The following PGPEP1 variants were observed in gnomAD, a reference collection of about 807,000 sequenced individuals.
The protein encoded by PGPEP1 is pyroglutamyl-peptidase 1.
In PGPEP1, 15 loss-of-function variants were observed where a neutral mutation model predicts 24.1. The observed-to-expected ratio is 0.62, with a 90% confidence interval of 0.42 to 0.96. The LOEUF (loss-of-function observed/expected upper bound fraction) is 0.96, where lower values mean the gene tolerates loss of function less well. Ranked by LOEUF, PGPEP1 falls within the 40% of genes least tolerant of loss-of-function variation. The pLI is 0.00. For synonymous variants in PGPEP1, 122 were observed against 116.4 expected (o/e 1.05, Z -0.31); for missense variants, 242 against 273.4 (o/e 0.89, Z 0.81).
At chr19:18,349,053 C>T (rs538333506) in intron 2 of PGPEP1, 3 of 979,816 alleles carry the variant, frequency 3.1e-6, no homozygotes, top group South Asian at 4.7e-5. Context: ...TGTGAGCCAC[C>T]GAGCCCTGCC....
chr19:18,363,607 C>T lies in PGPEP1; in HGVS notation c.*24C>T, dbSNP rs371164461. On this transcript the variant is annotated 3_prime_UTR_variant, in exon 5 of 5. Transcript: ENST00000269919. ...GAGGGACGCTCAGGTCTCCTAAGAC[C>T]TCATCCTGCTGGGGACCCCACGAGG... The T allele has an allele frequency of 8.2e-6, 13 of 1,585,146 alleles. No individual in the cohort carries two copies. The African/African-American group carries it at 1.6e-4, about 20-fold the overall frequency.
Position 18,363,520 on chromosome 19 carries a change from TGAG to T in PGPEP1, c.571_573del (p.Glu191del). 3.1e-6 allele frequency: 5 copies of T among 1,614,160 alleles called. No homozygotes were observed. Among genetic ancestry groups the T allele is most frequent in the Middle Eastern group, 1.6e-4 (1 of 6,062 alleles). ...TGGGCAGGGCACTGAGAGCCATCAT[TGAG>T]GAGATGTTGGACCTCCTGGAGCAGT... On this transcript the variant is annotated inframe_deletion, in exon 5 of 5. Transcript: ENST00000269919.
intron 2 of PGPEP1, among the ~76,000 whole-genome samples, chr19:18,351,222 G>A (rs180706481): frequency 9.9e-4 from 151 of 151,918 alleles, no homozygotes; most frequent in African/African-American, 3.4e-3. Context: ...CTCAGATCGC[G>A]CCACTGCACT....
In PGPEP1 at chr19:18,357,589, G is replaced by A. The variant is rs372326357; in HGVS notation, c.411G>A (p.Ser137=). 1.5e-5 allele frequency: 24 copies of A among 1,610,342 alleles called. No individual in the cohort carries two copies. Among genetic ancestry groups the A allele is most frequent in the Admixed American group, 3.4e-5 (2 of 59,544 alleles). Reference sequence around the variant, plus strand: ...TCACCACGTTGGGCCTGGATGTGTCGGTGACCATCTCGCAGGATGCCGGCA... The same window carrying A: ...TCACCACGTTGGGCCTGGATGTGTCAGTGACCATCTCGCAGGATGCCGGCA... The part of the protein sequence containing the change: ...KRVTTLGLDV[S]VTISQDAGRY... The change falls in exon 4 of 5, where the codon TCG becomes TCA. Residue 137 remains serine, a synonymous_variant. Coordinates refer to ENST00000269919, the MANE Select transcript of PGPEP1 (RefSeq NM_017712.4).
At chr19:18,342,702 G>T (rs1250387321) in intron 1 of PGPEP1, among the ~76,000 whole-genome samples, 157 bp from the exon 2 acceptor site, 1 of 152,218 alleles carries the variant, frequency 6.6e-6, no homozygotes, top group Non-Finnish European at 1.5e-5. Flanking sequence ...GGGCCTCCAG[G>T]TGCTCCCAGA....
chr19:18,358,446 G>C lies in PGPEP1; in HGVS notation c.437+831G>C, dbSNP rs117445280. Among the ~76,000 whole-genome samples the C allele has an allele frequency of 4.7e-4, 72 of 151,808 alleles. 1 individual carries two copies. In the East Asian group the frequency reaches 0.013, roughly 28 times the overall value. ...CGGATAATTTTATACTTTTATTAGA[G>C]ACAGGGTTTCTCCACGTTGGTCAGG... is the stretch of plus-strand genomic sequence containing the variant. On this transcript the variant is annotated intron_variant, in intron 4 of 4. Coordinates refer to ENST00000269919, the MANE Select transcript of PGPEP1 (RefSeq NM_017712.4).
chr19:18,357,329 C>G, intron 3 of PGPEP1, 54 bp from the exon 4 acceptor site: 4 of 1,376,150 alleles, frequency 2.9e-6, no homozygotes, highest in African/African-American at 1.4e-5. Flanking sequence ...TCAGGGGGAC[C>G]CCTCTGAGTC....
At chr19:18,352,005 C>T (rs1047784545) in intron 2 of PGPEP1, among the ~76,000 whole-genome samples, 3 of 151,726 alleles carry the variant, frequency 2.0e-5, no homozygotes, top group Non-Finnish European at 2.9e-5. Flanking sequence ...GGCGCGGTGG[C>T]TCACGCCTGT....
At chr19:18,352,103 C>G (rs1426688110) in intron 2 of PGPEP1, among the ~76,000 whole-genome samples, 1 of 151,596 alleles carries the variant, frequency 6.6e-6, no homozygotes, top group Non-Finnish European at 1.5e-5. Context: ...AACCCCGTCT[C>G]TACTAAAAAT....
At chr19:18,341,909 G>A (rs1010792284) in intron 1 of PGPEP1, among the ~76,000 whole-genome samples, 1 of 146,726 alleles carries the variant, frequency 6.8e-6, no homozygotes, top group Non-Finnish European at 1.5e-5. Context: ...CAGATGGACC[G>A]TATTTTTTTT....
intron 4 of PGPEP1, chr19:18,361,785 A>T: frequency 1.0e-6 from 1 of 985,048 alleles, no homozygotes; most frequent in Non-Finnish European, 1.2e-6. Flanking sequence ...CTGCTTTATG[A>T]TTTTATCTTG....
At chr19:18,358,759 C>T (rs888599759) in intron 4 of PGPEP1, among the ~76,000 whole-genome samples, 14 of 151,614 alleles carry the variant, frequency 9.2e-5, no homozygotes, top group South Asian at 2.1e-4. Flanking sequence ...GGATTACAGG[C>T]GTGCATCACC....
chr19:18,365,065 C>T lies in PGPEP1; in HGVS notation c.*1482C>T, dbSNP rs1280904125. ...TATGTAGATTGCTTTTGGACACTCG[C>T]CCAGGAGTCAGGAGTTGATTTTTAT... On this transcript the variant is annotated 3_prime_UTR_variant, in exon 5 of 5. Transcript: ENST00000269919. 1 of 152,054 alleles carries T rather than the reference C, an allele frequency of 6.6e-6. No homozygotes were observed. The allele number at this position is 152,054 out of a possible 1,614,324, so 9.4% of individuals were successfully genotyped here. A position where few individuals can be genotyped will look rare whatever the true frequency, so the allele number is the denominator to read the frequency against.
intron 4 of PGPEP1, among the ~76,000 whole-genome samples, chr19:18,361,435 G>A (rs934152494): frequency 4.6e-5 from 7 of 151,598 alleles, no homozygotes; most frequent in African/African-American, 7.3e-5. Context: ...CACCGCGCCC[G>A]GCCACCCAGC....
At position 18,367,354 on chromosome 19, in the gene PGPEP1, G is replaced by A. The variant is rs1466708353; in HGVS notation, c.*3771G>A. The stretch of plus-strand genomic sequence containing the variant: ...GTGAAAAGACAGGCTGAGGGGTGTG[G>A]TGGGAAGGCTGGGGGAGAAAGGTGA... On this transcript the variant is annotated 3_prime_UTR_variant, in exon 5 of 5. Coordinates refer to ENST00000269919, the MANE Select transcript of PGPEP1 (RefSeq NM_017712.4). 6.6e-6 allele frequency: 1 copy of A among 151,584 alleles called. No homozygotes were observed. The highest frequency in any genetic ancestry group is 2.4e-5 in the African/African-American group (1 of 41,054). 9.4% of individuals were successfully genotyped at this position (151,584 alleles called of 1,614,324 possible).
intron 2 of PGPEP1, among the ~76,000 whole-genome samples, chr19:18,350,840 G>A (rs189718222): frequency 4.0e-5 from 6 of 151,872 alleles, no homozygotes; most frequent in South Asian, 2.1e-4. Context: ...TAGGAAGATC[G>A]CTTGAGCCCT....
At chr19:18,344,723 C>T (rs1377895434) in intron 2 of PGPEP1, among the ~76,000 whole-genome samples, 1 of 152,104 alleles carries the variant, frequency 6.6e-6, no homozygotes, top group African/African-American at 2.4e-5. Flanking sequence ...AAAGAAACAG[C>T]ATGTTTCTGA....
Position 18,363,588 on chromosome 19 carries a change from C to T in PGPEP1, c.*5C>T, listed in dbSNP as rs372188696. ...AACTATTGCCACAAACACTGAGGGACGCTCAGGTCTCCTAAGACCTCATCC... is the reference window on the plus strand; with the variant it reads ...AACTATTGCCACAAACACTGAGGGATGCTCAGGTCTCCTAAGACCTCATCC... On this transcript the variant is annotated 3_prime_UTR_variant, in exon 5 of 5. Transcript: ENST00000269919. The T allele has an allele frequency of 1.3e-5, 21 of 1,609,410 alleles. No individual in the cohort carries two copies. The highest frequency in any genetic ancestry group is 6.7e-5 in the East Asian group (3 of 44,798).
chr19:18,346,819 T>C (rs947218760), intron 2 of PGPEP1, among the ~76,000 whole-genome samples: 20 of 151,794 alleles, frequency 1.3e-4, no homozygotes, highest in African/African-American at 4.6e-4. Flanking sequence ...TTTGTATTTT[T>C]AGTAGAGACA....
Sources: gnomAD v4.1 joint callset for allele counts (sites outside exome capture counted in the v4.1 genomes callset) on GRCh38, gnomAD v4.1.1 for gene constraint, MANE v1.5 for transcripts, NCBI Gene and HGNC (gene_info 2026-07-23, HGNC 2026-07-21) for gene names.